The following PPP1R12B variants were observed in gnomAD, a reference collection of about 807,000 sequenced individuals.
PPP1R12B encodes myosin phosphatase target subunit 2.
A neutral mutation model predicts 126.1 loss-of-function variants in PPP1R12B; 76 were observed. That is an observed-to-expected ratio of 0.60 (90% CI 0.50 to 0.73). PPP1R12B has a LOEUF of 0.73. Ranked by LOEUF, PPP1R12B falls within the 30% of genes least tolerant of loss-of-function variation. PPP1R12B has a pLI of 0.00. For synonymous variants in PPP1R12B, 356 were observed against 434.7 expected (o/e 0.82, Z 2.25); for missense variants, 1,052 against 1,205.1 (o/e 0.87, Z 1.88).
chr1:202,473,040 G>A (rs901575580), intron 13 of PPP1R12B, among the ~76,000 whole-genome samples: 6 of 152,148 alleles, frequency 3.9e-5, no homozygotes, highest in Non-Finnish European at 8.8e-5. Flanking sequence ...TGACATTTGG[G>A]GCCAGTTAAT....
At chr1:202,496,660 G>A (rs1679587905) in intron 17 of PPP1R12B, 121 bp from the exon 18 acceptor site, 1 of 822,412 alleles carries the variant, frequency 1.2e-6, no homozygotes, top group Non-Finnish European at 1.9e-6. Flanking sequence ...TCACTTGGAA[G>A]TCAATTCTCA....
At chr1:202,350,267 T>G (rs1455770294) in intron 1 of PPP1R12B, among the ~76,000 whole-genome samples, 2 of 152,218 alleles carry the variant, frequency 1.3e-5, no homozygotes, top group Admixed American at 6.5e-5. Context: ...CTGATAATAT[T>G]TCCCCACCTG....
chr1:202,367,651 G>A (rs898365221), intron 1 of PPP1R12B, among the ~76,000 whole-genome samples: 3 of 152,120 alleles, frequency 2.0e-5, no homozygotes, highest in African/African-American at 7.2e-5. Context: ...CCTTTGTAGT[G>A]AAGCACTTCC....
Position 202,519,307 on chromosome 1 carries a change from C to T in PPP1R12B, c.2490+22485C>T, listed in dbSNP as rs192161783. On this transcript the variant is annotated intron_variant, in intron 18 of 23. Coordinates refer to ENST00000608999, the MANE Select transcript of PPP1R12B (RefSeq NM_002481.4). ...TGAGACGGGGTCTCACTCTGTCACC[C>T]GGGCTGGAGTGCAGTTGTGTGATCT... Among the ~76,000 whole-genome samples, 433 of 152,106 alleles carry T rather than the reference C, an allele frequency of 2.8e-3. 1 individual carries two copies. The highest frequency in any genetic ancestry group is 6.3e-3 in the Admixed American group (96 of 15,272).
intron 1 of PPP1R12B, among the ~76,000 whole-genome samples, chr1:202,368,130 C>T (rs756406085): frequency 7.9e-5 from 12 of 151,990 alleles, no homozygotes; most frequent in Non-Finnish European, 1.8e-4. Flanking sequence ...CCACCACACC[C>T]GGCTAATTTT....
chr1:202,415,287 C>T (rs1399967275), intron 1 of PPP1R12B, among the ~76,000 whole-genome samples: 1 of 152,104 alleles, frequency 6.6e-6, no homozygotes, highest in Non-Finnish European at 1.5e-5. Flanking sequence ...GTTTTTGATG[C>T]CATTGTCTTG....
At chr1:202,449,217 A>G (rs1672630688) in intron 13 of PPP1R12B, 46 bp downstream of exon 13, 3 of 1,550,078 alleles carry the variant, frequency 1.9e-6, no homozygotes, top group Middle Eastern at 1.7e-4. Flanking sequence ...GCTTTGAGGT[A>G]GACGATAAAG....
At chr1:202,364,043 A>G (rs1158278675) in intron 1 of PPP1R12B, among the ~76,000 whole-genome samples, 1 of 152,206 alleles carries the variant, frequency 6.6e-6, no homozygotes, top group African/African-American at 2.4e-5. Context: ...TACAGGTGTG[A>G]GCCACCATGC....
chr1:202,579,926 G>A (rs959901964), intron 23 of PPP1R12B, among the ~76,000 whole-genome samples: 9 of 152,320 alleles, frequency 5.9e-5, no homozygotes, highest in Admixed American at 1.3e-4. Context: ...ATTATTCACC[G>A]AAGGCACCAA....
intron 13 of PPP1R12B, among the ~76,000 whole-genome samples, chr1:202,480,691 A>G (rs143680676): frequency 0.01 from 1,591 of 152,330 alleles, 28 homozygotes; most frequent in African/African-American, 0.037. Context: ...ATATTAAATA[A>G]TTTATTTTTA....
rs1461443177 is a variant in PPP1R12B, at chr1:202,588,954, G to C, written c.*8394G>C. ...ACCAGGTTTAAGTGACAAAGGTGTTGAGGCCATCCAGGTGAACACTAGCAC... is the reference window on the plus strand; with the variant it reads ...ACCAGGTTTAAGTGACAAAGGTGTTCAGGCCATCCAGGTGAACACTAGCAC... On this transcript the variant is annotated 3_prime_UTR_variant, in exon 24 of 24. Coordinates refer to ENST00000608999, the MANE Select transcript of PPP1R12B (RefSeq NM_002481.4). 1.3e-5 allele frequency: 2 copies of C among 152,114 alleles called. No homozygotes were observed. Among genetic ancestry groups the C allele is most frequent in the Non-Finnish European group, 2.9e-5 (2 of 68,028 alleles). 9.4% of individuals were successfully genotyped at this position (152,114 alleles called of 1,614,324 possible).
At chr1:202,578,755 A>G (rs778590515) in intron 23 of PPP1R12B, among the ~76,000 whole-genome samples, 9 of 152,206 alleles carry the variant, frequency 5.9e-5, no homozygotes, top group Non-Finnish European at 1.2e-4. Flanking sequence ...CAGAGTCCCT[A>G]CCATACGAGA....
chr1:202,500,760 A>G (rs1429771632), intron 18 of PPP1R12B, among the ~76,000 whole-genome samples: 2 of 152,252 alleles, frequency 1.3e-5, no homozygotes, highest in African/African-American at 4.8e-5. Context: ...TTTTGATGCT[A>G]GATATGCTGA....
rs1668465474 is a variant in PPP1R12B at position 202,419,218 on chromosome 1, C to CAT, written c.422+2303_422+2304dup. Among the ~76,000 whole-genome samples, 1 of 152,138 alleles carries CAT rather than the reference C, an allele frequency of 6.6e-6. No individual in the cohort carries two copies. Among genetic ancestry groups the CAT allele is most frequent in the Admixed American group, 6.5e-5 (1 of 15,270 alleles). On this transcript the variant is annotated intron_variant, in intron 2 of 23. Coordinates refer to ENST00000608999, the MANE Select transcript of PPP1R12B (RefSeq NM_002481.4). This position sits in a 1 kb window ranked among gnomAD's most constrained non-coding sequence, Gnocchi z 4.6. The stretch of plus-strand genomic sequence containing the variant: ...CTTAGAAGCAGCAGATTGACCCAAA[C>CAT]ATACATCATTTGGCTTTATAGTTTA...
chr1:202,522,398 A>G (rs1229166822), intron 18 of PPP1R12B, among the ~76,000 whole-genome samples: 2 of 152,030 alleles, frequency 1.3e-5, no homozygotes, highest in Non-Finnish European at 2.9e-5. Context: ...TTTAAAAAAT[A>G]TATATTTAAA....
At chr1:202,536,977 A>G (rs530065739) in intron 18 of PPP1R12B, among the ~76,000 whole-genome samples, 68 of 152,338 alleles carry the variant, frequency 4.5e-4, no homozygotes, top group African/African-American at 1.6e-3. Flanking sequence ...GCCTGAGGCA[A>G]TTTTACAGTT....
chr1:202,459,448 T>C (rs1310383760), intron 13 of PPP1R12B, among the ~76,000 whole-genome samples: 2 of 152,250 alleles, frequency 1.3e-5, no homozygotes, highest in Admixed American at 6.5e-5. Context: ...AGATAATTTA[T>C]GGTTTTGCAT....
chr1:202,526,082 G>A (rs1683316094), intron 18 of PPP1R12B, among the ~76,000 whole-genome samples: 1 of 152,204 alleles, frequency 6.6e-6, no homozygotes, highest in African/African-American at 2.4e-5. Context: ...TGATGTGGGA[G>A]GAAGAATGGA....
intron 18 of PPP1R12B, among the ~76,000 whole-genome samples, chr1:202,549,165 A>G (rs1302919690): frequency 6.6e-6 from 1 of 152,150 alleles, no homozygotes; most frequent in Non-Finnish European, 1.5e-5. Context: ...AAGGCAGACT[A>G]GCACTTTGGG....
Sources: gnomAD v4.1 joint callset for allele counts (sites outside exome capture counted in the v4.1 genomes callset) on GRCh38, gnomAD v4.1.1 for gene constraint, Gnocchi (gnomAD v3.1) non-coding constraint, MANE v1.5 for transcripts, NCBI Gene and HGNC (gene_info 2026-07-23, HGNC 2026-07-21) for gene names.